The following PCDHA2 variants were observed in gnomAD, a reference collection of about 807,000 sequenced individuals.
PCDHA2 encodes protocadherin alpha 2.
In PCDHA2, 58 loss-of-function variants were observed where a neutral mutation model predicts 66.0. The observed-to-expected ratio is 0.88, with a 90% CI of 0.71 to 1.09. The LOEUF (loss-of-function observed/expected upper bound fraction) is 1.09, where lower values mean the gene tolerates loss of function less well. PCDHA2 is among the 50% of genes least tolerant of loss of function. The pLI, the probability that PCDHA2 is intolerant of heterozygous loss-of-function variation, is 0.00. For missense variants in PCDHA2, 1,267 were observed against 1,242.3 expected (o/e 1.02, Z -0.30); for synonymous variants, 634 against 554.0 (o/e 1.14, Z -2.03).
At chr5:140,972,740 T>G (rs2096553417) in intron 1 of PCDHA2, among the ~76,000 whole-genome samples, 1 of 149,910 alleles carries the variant, frequency 6.7e-6, no homozygotes, top group Admixed American at 6.8e-5. Flanking sequence ...CCCGGCTCAC[T>G]GCAACCTCCG....
intron 1 of PCDHA2, chr5:140,875,698 G>T: frequency 6.2e-7 from 1 of 1,614,084 alleles, no homozygotes; most frequent in Non-Finnish European, 8.5e-7. Flanking sequence ...GGACCTTCTG[G>T]AGGTAAATCT....
At chr5:140,809,536 A>G (rs782052036) in intron 1 of PCDHA2, 1 of 1,613,706 alleles carries the variant, frequency 6.2e-7, no homozygotes, top group Non-Finnish European at 8.5e-7. Context: ...GGGACAGAGA[A>G]GATCAGCTGC....
chr5:140,996,553 A>G lies in PCDHA2; in HGVS notation c.2537-13074A>G, dbSNP rs868960335. 1.1e-4 allele frequency among the ~76,000 whole-genome samples: 16 copies of G among 152,172 alleles called. No individual in the cohort carries two copies. In the South Asian group the frequency reaches 2.7e-3, roughly 26 times the overall value. On this transcript the variant is annotated intron_variant, in intron 3 of 3. Transcript: ENST00000526136. The stretch of plus-strand genomic sequence containing the variant: ...TGTGTTTTGATATTATGCTGTCACT[A>G]TCTTGAAGTTCTTGATAATTTGTTA...
chr5:140,809,106 C>A lies in PCDHA2; in HGVS notation c.2388+11754C>A, dbSNP rs540996422. ...AGCACAACGCGTGCCCTGGACGAAA[C>A]GGACGCTCCGCGCCACCGCCTACTG... On this transcript the variant is annotated intron_variant, in intron 1 of 3. Coordinates refer to ENST00000526136, the MANE Select transcript of PCDHA2 (RefSeq NM_018905.3). The A allele has an allele frequency of 6.2e-6, 10 of 1,613,832 alleles. No homozygotes were observed. In the African/African-American group the frequency reaches 1.3e-4, roughly 22 times the overall value.
chr5:140,892,941 A>G (rs1554185454), intron 1 of PCDHA2, among the ~76,000 whole-genome samples: 1 of 152,178 alleles, frequency 6.6e-6, no homozygotes, highest in African/African-American at 2.4e-5. Context: ...GATAAGCACA[A>G]TACTACTTCC....
intron 1 of PCDHA2, chr5:140,882,534 G>A (rs1554174427): frequency 8.7e-6 from 14 of 1,614,086 alleles, no homozygotes; most frequent in Non-Finnish European, 1.1e-5. Flanking sequence ...GTGAATTCTC[G>A]GATCGACCGC....
chr5:140,966,691 G>A, intron 1 of PCDHA2: 3 of 1,349,440 alleles, frequency 2.2e-6, no homozygotes, highest in Non-Finnish European at 1.9e-6. Context: ...GCGGAGGCGG[G>A]GCCCGGGCGT....
Position 140,796,666 on chromosome 5 carries a change from C to A in PCDHA2, c.1702C>A (p.Pro568Thr). 1 of 1,613,880 alleles carries A rather than the reference C, an allele frequency of 6.2e-7. No individual in the cohort carries two copies. The highest frequency in any genetic ancestry group is 8.5e-7 in the Non-Finnish European group (1 of 1,179,878). The change falls in exon 1 of 4, where the codon CCT (proline) becomes ACT (threonine). Residue 568 changes from proline (P) to threonine (T), a missense_variant. By Grantham distance (38) the Pro-to-Thr change is conservative. Coordinates refer to ENST00000526136, the MANE Select transcript of PCDHA2 (RefSeq NM_018905.3). ...CGACAACGCGCCGGCACTGTTGGCGCCTAGGGCTGGCACCGCTGCTGGCGC... is the reference window on the plus strand; with the variant it reads ...CGACAACGCGCCGGCACTGTTGGCGACTAGGGCTGGCACCGCTGCTGGCGC... The part of the protein sequence containing the change: ...ENDNAPALLA[P>T]RAGTAAGAVS...
At chr5:140,918,694 T>C (rs1260893633) in intron 1 of PCDHA2, among the ~76,000 whole-genome samples, 2 of 152,186 alleles carry the variant, frequency 1.3e-5, no homozygotes, top group Non-Finnish European at 2.9e-5. Flanking sequence ...CAAACATAAT[T>C]AAGTCATGAG....
chr5:140,886,602 C>A (rs1167539535), intron 1 of PCDHA2, among the ~76,000 whole-genome samples: 1 of 151,638 alleles, frequency 6.6e-6, no homozygotes, highest in Non-Finnish European at 1.5e-5. Flanking sequence ...CCAAGGTGGG[C>A]GGATCAGGAG....
At chr5:140,873,064 T>A (rs1554166548) in intron 1 of PCDHA2, among the ~76,000 whole-genome samples, 1 of 152,186 alleles carries the variant, frequency 6.6e-6, no homozygotes, top group Non-Finnish European at 1.5e-5. Context: ...TTCTTGAGAA[T>A]CATATCTAGC....
chr5:140,805,655 TC>T, intron 1 of PCDHA2: 1 of 847,844 alleles, frequency 1.2e-6, no homozygotes, highest in Non-Finnish European at 1.4e-6. Flanking sequence ...AAGTCTTCAT[TC>T]CCCATTAATA....
chr5:140,994,515 C>A (rs1450335712), intron 3 of PCDHA2, among the ~76,000 whole-genome samples: 1 of 150,238 alleles, frequency 6.7e-6, no homozygotes, highest in African/African-American at 2.5e-5. Context: ...ACAGCCTGGG[C>A]AACATGGCAA....
chr5:140,971,537 G>T (rs1414023721), intron 1 of PCDHA2, among the ~76,000 whole-genome samples: 1 of 152,136 alleles, frequency 6.6e-6, no homozygotes, highest in Non-Finnish European at 1.5e-5. Flanking sequence ...AGTCATCATT[G>T]CCAGATCAAC....
intron 1 of PCDHA2, chr5:140,801,850 G>A (rs1465290845): frequency 6.2e-7 from 1 of 1,614,022 alleles, no homozygotes; most frequent in Non-Finnish European, 8.5e-7. Flanking sequence ...ATTGATGGTG[G>A]GAAACCAGAG....
At chr5:140,939,152 G>A (rs1486129737) in intron 1 of PCDHA2, among the ~76,000 whole-genome samples, 20 of 152,068 alleles carry the variant, frequency 1.3e-4, no homozygotes, top group Admixed American at 1.2e-3. Context: ...CAAGGTCCTG[G>A]CAGATTTGTG....
At chr5:140,846,796 C>G (rs1200474608) in intron 1 of PCDHA2, among the ~76,000 whole-genome samples, 1 of 149,304 alleles carries the variant, frequency 6.7e-6, no homozygotes, top group African/African-American at 2.5e-5. Context: ...GAGCCCCAGC[C>G]CCTGGCTTTA....
At chr5:140,958,495 C>A (rs559117374) in intron 1 of PCDHA2, among the ~76,000 whole-genome samples, 1 of 152,020 alleles carries the variant, frequency 6.6e-6, no homozygotes, top group Non-Finnish European at 1.5e-5. Flanking sequence ...TCCACATATC[C>A]TAGGAGGCAT....
intron 1 of PCDHA2, chr5:140,812,008 T>TG (rs2126633981): frequency 7.9e-5 from 12 of 151,792 alleles, no homozygotes; most frequent in East Asian, 1.9e-4. Flanking sequence ...ACCATTTTTT[T>TG]GTTGGACTTT....
Sources: gnomAD v4.1 joint callset for allele counts (sites outside exome capture counted in the v4.1 genomes callset) on GRCh38, gnomAD v4.1.1 for gene constraint, MANE v1.5 for transcripts, NCBI Gene and HGNC (gene_info 2026-07-23, HGNC 2026-07-21) for gene names.